LPGAT1: variants seen among roughly 807,000 people sequenced by gnomAD.
The protein encoded by LPGAT1 is lysophosphatidylglycerol acyltransferase 1, also known as acyl-CoA:lysophosphatidylglycerol acyltransferase 1.
A neutral mutation model predicts 47.5 loss-of-function variants in LPGAT1; 11 were observed. The ratio of observed to expected loss-of-function variants is 0.23; its 90% CI spans 0.15 to 0.38. The LOEUF (loss-of-function observed/expected upper bound fraction) is 0.38. LPGAT1 is among the 10% of genes least tolerant of loss of function. LPGAT1 has a pLI of 1.00. For missense variants in LPGAT1, 293 were observed against 439.0 expected (o/e 0.67, Z 2.97); for synonymous variants, 138 against 144.2 (o/e 0.96, Z 0.31).
At chr1:211,824,634 G>C (rs1195145792) in intron 2 of LPGAT1, among the ~76,000 whole-genome samples, 2 of 152,110 alleles carry the variant, frequency 1.3e-5, no homozygotes, top group East Asian at 3.9e-4. Context: ...AATGTTGACT[G>C]CACTTATAGT....
intron 2 of LPGAT1, among the ~76,000 whole-genome samples, chr1:211,805,448 A>T (rs111371284): frequency 2.1e-3 from 326 of 152,336 alleles, no homozygotes; most frequent in African/African-American, 7.5e-3. Context: ...TACTGAATGC[A>T]TGTCACTCTC....
intron 2 of LPGAT1, among the ~76,000 whole-genome samples, chr1:211,820,116 T>C (rs1276170911): frequency 6.6e-6 from 1 of 152,088 alleles, no homozygotes; most frequent in Admixed American, 6.6e-5. Context: ...GGTCTAGACA[T>C]TTTTTTAGAG....
At chr1:211,776,407 T>A (rs950396529) in intron 6 of LPGAT1, among the ~76,000 whole-genome samples, 4 of 151,908 alleles carry the variant, frequency 2.6e-5, no homozygotes, top group African/African-American at 7.3e-5. Flanking sequence ...CATGGTGGTA[T>A]GTGCCTGTAA....
chr1:211,768,179 G>A (rs1208648443), intron 6 of LPGAT1, among the ~76,000 whole-genome samples: 2 of 152,038 alleles, frequency 1.3e-5, no homozygotes, highest in Non-Finnish European at 2.9e-5. Context: ...TGATTTAAAA[G>A]GGAAAAACCT....
At chr1:211,772,646 C>A (rs1658221554) in intron 6 of LPGAT1, among the ~76,000 whole-genome samples, 1 of 152,166 alleles carries the variant, frequency 6.6e-6, no homozygotes, top group South Asian at 2.1e-4. Context: ...TTATATGATG[C>A]CTGAGGCTTG....
chr1:211,784,321 G>A (rs1558267027), intron 4 of LPGAT1, among the ~76,000 whole-genome samples: 2 of 151,812 alleles, frequency 1.3e-5, no homozygotes, highest in South Asian at 2.1e-4. Flanking sequence ...GTGAAACCCC[G>A]TCTATACAAA....
At chr1:211,806,097 T>C (rs1659749625) in intron 2 of LPGAT1, among the ~76,000 whole-genome samples, 1 of 151,766 alleles carries the variant, frequency 6.6e-6, no homozygotes, top group Non-Finnish European at 1.5e-5. Flanking sequence ...TCATCTCTAC[T>C]AAAAATACAA....
At chr1:211,755,226 T>TA (rs1190434783) in intron 6 of LPGAT1, among the ~76,000 whole-genome samples, 1 of 151,278 alleles carries the variant, frequency 6.6e-6, no homozygotes, top group Non-Finnish European at 1.5e-5. Flanking sequence ...TAGTCCCAGC[T>TA]ACTTGGGAGG....
chr1:211,760,299 C>CA (rs995910095), intron 6 of LPGAT1, among the ~76,000 whole-genome samples: 1 of 151,954 alleles, frequency 6.6e-6, no homozygotes, highest in Non-Finnish European at 1.5e-5. Flanking sequence ...ACTAAAAATA[C>CA]AAAAAATTAG....
intron 2 of LPGAT1, among the ~76,000 whole-genome samples, chr1:211,822,554 A>G (rs996964382): frequency 5.3e-5 from 8 of 152,268 alleles, no homozygotes; most frequent in African/African-American, 1.9e-4. Context: ...AGGCAGGTGG[A>G]TCACTTGAGG....
chr1:211,805,434 G>C (rs1025612855), intron 2 of LPGAT1, among the ~76,000 whole-genome samples: 14 of 152,136 alleles, frequency 9.2e-5, no homozygotes, highest in African/African-American at 3.1e-4. Context: ...ATGGATACAA[G>C]CATTACTGAA....
intron 3 of LPGAT1, among the ~76,000 whole-genome samples, chr1:211,791,777 A>AC (rs1558270805): frequency 4.6e-5 from 7 of 150,614 alleles, no homozygotes; most frequent in South Asian, 4.2e-4. Flanking sequence ...AAACAAACAA[A>AC]AAAAAAAAAC....
At chr1:211,806,679 T>G (rs1349200655) in intron 2 of LPGAT1, among the ~76,000 whole-genome samples, 1 of 152,100 alleles carries the variant, frequency 6.6e-6, no homozygotes, top group East Asian at 1.9e-4. Flanking sequence ...ACAAATAAAA[T>G]TTTTTTAAAA....
intron 2 of LPGAT1, among the ~76,000 whole-genome samples, chr1:211,813,981 A>G (rs368236979): frequency 1.3e-5 from 2 of 152,252 alleles, no homozygotes; most frequent in Admixed American, 1.3e-4. Flanking sequence ...TCAAGTATGA[A>G]CATTCTTTTT....
chr1:211,771,777 A>G (rs958058859), intron 6 of LPGAT1, among the ~76,000 whole-genome samples: 4 of 152,174 alleles, frequency 2.6e-5, no homozygotes, highest in Non-Finnish European at 5.9e-5. Context: ...TGCTGGGATT[A>G]CAGGCGTGAG....
chr1:211,749,803 T>A lies in LPGAT1; in HGVS notation c.*96A>T. 7.6e-7 allele frequency: 1 copy of A among 1,319,822 alleles called. No homozygotes were observed. The highest frequency in any genetic ancestry group is 1.1e-6 in the Non-Finnish European group (1 of 941,362). 81.8% of individuals were successfully genotyped at this position (1,319,822 alleles called of 1,614,324 possible). ...CATCCATTGAATTTCTTTTGCTTTT[T>A]TTTAAATATATTCTGATTTGCACAT... On this transcript the variant is annotated 3_prime_UTR_variant, in exon 8 of 8. Coordinates refer to ENST00000366997, the MANE Select transcript of LPGAT1 (RefSeq NM_014873.3).
At chr1:211,793,273 T>C in intron 2 of LPGAT1, 83 bp from the exon 3 acceptor site, 4 of 829,698 alleles carry the variant, frequency 4.8e-6, no homozygotes, top group Non-Finnish European at 7.8e-6. Flanking sequence ...AAATGATGTA[T>C]ATTAATGATG....
rs1206727380 is a variant in LPGAT1 at position 211,748,792 on chromosome 1, T to C, written c.*1107A>G. Reference sequence around the variant, plus strand: ...TGACAGGGGCAGCTCCTTGATGTAATGATTCAACAGACTACTGTCTGCACA... The same window carrying C: ...TGACAGGGGCAGCTCCTTGATGTAACGATTCAACAGACTACTGTCTGCACA... On this transcript the variant is annotated 3_prime_UTR_variant, in exon 8 of 8. Coordinates refer to ENST00000366997, the MANE Select transcript of LPGAT1 (RefSeq NM_014873.3). 6.6e-6 allele frequency: 1 copy of C among 152,632 alleles called. No individual in the cohort carries two copies. Among genetic ancestry groups the C allele is most frequent in the Admixed American group, 6.5e-5 (1 of 15,276 alleles). The allele number at this position is 152,632 out of a possible 1,614,324, so 9.5% of individuals were successfully genotyped here. A position where few individuals can be genotyped will look rare whatever the true frequency, so the allele number is the denominator to read the frequency against.
chr1:211,801,818 T>G (rs908127327), intron 2 of LPGAT1, among the ~76,000 whole-genome samples: 1 of 150,440 alleles, frequency 6.6e-6, no homozygotes, highest in African/African-American at 2.4e-5. Flanking sequence ...GGTGGCTCAC[T>G]CCTGTAATCC....
Sources: allele counts gnomAD v4.1 joint callset (sites outside exome capture counted in the v4.1 genomes callset), GRCh38; gene constraint gnomAD v4.1.1; transcripts MANE v1.5; gene names NCBI Gene and HGNC (gene_info 2026-07-23, HGNC 2026-07-21).